The following ACVRL1 variants were observed in gnomAD, a reference collection of about 807,000 sequenced individuals.
ACVRL1 encodes activin receptor type-1-like.
ACVRL1 carries 20 observed loss-of-function variants against 51.9 expected under a neutral mutation model. The ratio of observed to expected loss-of-function variants is 0.39; its 90% CI spans 0.27 to 0.56. The LOEUF (loss-of-function observed/expected upper bound fraction) is 0.56. ACVRL1 is among the 20% of genes least tolerant of loss of function. ACVRL1 has a pLI of 0.67. For synonymous variants in ACVRL1, 288 were observed against 280.9 expected (o/e 1.03, Z -0.25); for missense variants, 451 against 670.3 (o/e 0.67, Z 3.61).
intron 9 of ACVRL1, among the ~76,000 whole-genome samples, chr12:51,920,226 A>C (rs374501129): frequency 3.9e-5 from 6 of 152,216 alleles, no homozygotes; most frequent in African/African-American, 1.4e-4. Context: ...GGCAGTTCCC[A>C]CTTCCACAGT....
rs775263269 is a variant in ACVRL1, at chr12:51,913,596, C to T, written c.351C>T (p.Gly117=). 4 of 1,600,610 alleles carry T rather than the reference C, an allele frequency of 2.5e-6. No homozygotes were observed. The highest frequency in any genetic ancestry group is 2.5e-6 in the Non-Finnish European group (3 of 1,179,866). Residue 117 remains glycine (G), a synonymous_variant, in exon 4 of 10, where the codon GGC becomes GGT. Transcript: ENST00000388922. ...CTTCGGAGCAGCCGGGAACAGATGG[C>T]CAGCTGGCCCTGATCCTGGGCCCCG... ...QPPSEQPGTD[G]QLALILGPVL... is the part of the protein sequence containing the mutation.
At chr12:51,914,349 C>T (rs999291008) in intron 5 of ACVRL1, 90 bp from the exon 6 acceptor site, 62 of 1,571,608 alleles carry the variant, frequency 3.9e-5, no homozygotes, top group Admixed American at 2.4e-4. Flanking sequence ...GTGGGGTGGG[C>T]GAGGGAGGCA....
At chr12:51,919,192 C>A (rs1308948826) in intron 9 of ACVRL1, 77 bp downstream of exon 9, 1 of 1,601,618 alleles carries the variant, frequency 6.2e-7, no homozygotes, top group African/African-American at 1.3e-5. Flanking sequence ...GAACTTGTGT[C>A]TGAGGCCTCT....
Position 51,920,936 on chromosome 12 carries a change from G to A in ACVRL1, c.*43G>A, listed in dbSNP as rs765683960. On this transcript the variant is annotated 3_prime_UTR_variant, in exon 10 of 10. Coordinates refer to ENST00000388922, the MANE Select transcript of ACVRL1 (RefSeq NM_000020.3). ...CCTTTCTGCCTGCAGGGGGCTGGGG[G>A]GGTGGGGGGCAGTGGATGGTGCCCT... The A allele has an allele frequency of 6.1e-6, 8 of 1,308,678 alleles. No homozygotes were observed. In the East Asian group the frequency reaches 1.3e-4, roughly 21 times the overall value. 81.1% of individuals were successfully genotyped at this position (1,308,678 alleles called of 1,614,324 possible).
At chr12:51,909,062 G>A (rs1246964841) in intron 1 of ACVRL1, among the ~76,000 whole-genome samples, 5 of 152,214 alleles carry the variant, frequency 3.3e-5, no homozygotes, top group Admixed American at 1.3e-4. Flanking sequence ...CTGAAGTGCA[G>A]AGTGAGTCCA....
chr12:51,920,241 T>A (rs1940939358), intron 9 of ACVRL1, among the ~76,000 whole-genome samples: 1 of 152,206 alleles, frequency 6.6e-6, no homozygotes, highest in Non-Finnish European at 1.5e-5. Context: ...CACAGTCCCC[T>A]GGGCCCAGCC....
At position 51,912,514 on chromosome 12, in the gene ACVRL1, C is replaced by T. The variant is rs1940713401; in HGVS notation, c.40C>T (p.Leu14=). ...CCCCAGGAAAGGCCTTCTGATGCTG[C>T]TGATGGCCTTGGTGACCCAGGGTGA... ...GSPRKGLLML[L]MALVTQGDPV... Residue 14 remains leucine, a synonymous_variant, in exon 2 of 10, where the codon CTG becomes TTG. Transcript: ENST00000388922. The T allele has an allele frequency of 6.2e-7, 1 of 1,614,048 alleles. No homozygotes were observed. The highest frequency in any genetic ancestry group is 8.5e-7 in the Non-Finnish European group (1 of 1,179,886).
At chr12:51,908,527 C>G (rs774736267) in intron 1 of ACVRL1, among the ~76,000 whole-genome samples, 23 of 152,258 alleles carry the variant, frequency 1.5e-4, no homozygotes, top group Non-Finnish European at 2.8e-4. Flanking sequence ...TATATTTTTT[C>G]TCATGTAATC....
At chr12:51,913,451 G>C (rs1378293310) in intron 3 of ACVRL1, 101 bp downstream of exon 3, 1 of 1,534,464 alleles carries the variant, frequency 6.5e-7, no homozygotes, top group Admixed American at 1.9e-5. Context: ...GGCTGGGGGC[G>C]GGGGAGCGGG....
chr12:51,920,937 G>T lies in ACVRL1; in HGVS notation c.*44G>T. The T allele has an allele frequency of 3.5e-6, 4 of 1,150,626 alleles. No individual in the cohort carries two copies. Among genetic ancestry groups the T allele is most frequent in the Non-Finnish European group, 5.1e-6 (4 of 790,040 alleles). 71.3% of individuals were successfully genotyped at this position (1,150,626 alleles called of 1,614,324 possible). A position where few individuals can be genotyped will look rare whatever the true frequency, so the allele number is the denominator to read the frequency against. On this transcript the variant is annotated 3_prime_UTR_variant, in exon 10 of 10. Transcript: ENST00000388922. ...CTTTCTGCCTGCAGGGGGCTGGGGG[G>T]GTGGGGGGCAGTGGATGGTGCCCTA...
At chr12:51,908,815 C>CT (rs2139055336) in intron 1 of ACVRL1, among the ~76,000 whole-genome samples, 1 of 152,332 alleles carries the variant, frequency 6.6e-6, no homozygotes, top group Non-Finnish European at 1.5e-5. Context: ...TTTCATACCT[C>CT]TAAGTGGCAA....
At chr12:51,920,563 T>C (rs1383455630) in intron 9 of ACVRL1, among the ~76,000 whole-genome samples, 196 bp from the exon 10 acceptor site, 2 of 151,998 alleles carry the variant, frequency 1.3e-5, no homozygotes, top group Non-Finnish European at 1.5e-5. Flanking sequence ...TTCCTCTCGC[T>C]CTCCTTTCCA....
intron 8 of ACVRL1, among the ~76,000 whole-genome samples, chr12:51,916,448 T>C (rs1293867373): frequency 2.6e-5 from 4 of 152,238 alleles, no homozygotes; most frequent in African/African-American, 9.6e-5. Flanking sequence ...TGTGAAATCT[T>C]GGGTACATGA....
Position 51,915,333 on chromosome 12 carries a change from T to C in ACVRL1, c.881T>C (p.Leu294Pro). 1 of 1,614,180 alleles carries C rather than the reference T, an allele frequency of 6.2e-7. No homozygotes were observed. Among genetic ancestry groups the C allele is most frequent in the Non-Finnish European group, 8.5e-7 (1 of 1,180,042 alleles). ...SLYDFLQRQT[L>P]EPHLALRLAV... ...TACGACTTTCTGCAGAGACAGACGCTGGAGCCCCATCTGGCTCTGAGGCTA... is the reference window on the plus strand; with the variant it reads ...TACGACTTTCTGCAGAGACAGACGCCGGAGCCCCATCTGGCTCTGAGGCTA... The change falls in exon 7 of 10, where the codon CTG becomes CCG. Residue 294 changes from leucine (L) to proline (P), a missense_variant. Around this residue, in one of 2 missense-constraint regions of ACVRL1, gnomAD observed 259 missense variants for 453.4 expected, o/e 0.57. Coordinates refer to ENST00000388922, the MANE Select transcript of ACVRL1 (RefSeq NM_000020.3).
chr12:51,918,893 C>T, intron 8 of ACVRL1, 92 bp from the exon 9 acceptor site: 2 of 1,599,228 alleles, frequency 1.3e-6, no homozygotes, highest in Non-Finnish European at 1.7e-6. Context: ...GGTTTCTGGC[C>T]CTTGGATAGA....
At position 51,913,744 on chromosome 12, in the gene ACVRL1, T is replaced by G. The variant is rs756100938; in HGVS notation, c.499T>G (p.Ser167Ala). 2 of 1,611,908 alleles carry G rather than the reference T, an allele frequency of 1.2e-6. No homozygotes were observed. The highest frequency in any genetic ancestry group is 2.7e-5 in the African/African-American group (2 of 74,896). Residue 167 changes from serine (S) to alanine (A), a missense_variant, in exon 4 of 10, where the codon TCT (serine) becomes GCT (alanine). Physicochemically the swap from Ser to Ala is moderately conservative, Grantham distance 99. This residue lies in a region of ACVRL1 where 259 missense variants were observed against 453.4 expected (regional missense o/e 0.57). Transcript: ENST00000388922. ...LGESSLILKA[S>A]EQGDSMLGDL... is the part of the protein sequence containing the mutation. ...AGAGTCCAGTCTCATCCTGAAAGCATCTGAGCAGGGCGACAGCATGTTGGG... is the reference window on the plus strand; with the variant it reads ...AGAGTCCAGTCTCATCCTGAAAGCAGCTGAGCAGGGCGACAGCATGTTGGG...
chr12:51,914,779 C>T (rs1363868026), intron 6 of ACVRL1, among the ~76,000 whole-genome samples, 194 bp downstream of exon 6: 1 of 148,980 alleles, frequency 6.7e-6, no homozygotes, highest in African/African-American at 2.5e-5. Context: ...GACAGGGCCT[C>T]GCTCTGTCAC....
intron 8 of ACVRL1, among the ~76,000 whole-genome samples, chr12:51,916,649 G>A (rs922665508): frequency 8.5e-5 from 13 of 152,336 alleles, no homozygotes; most frequent in Admixed American, 3.9e-4. Flanking sequence ...ATGACCGTGC[G>A]TAGGTTATTT....
At chr12:51,920,036 G>A (rs1238593466) in intron 9 of ACVRL1, among the ~76,000 whole-genome samples, 1 of 152,092 alleles carries the variant, frequency 6.6e-6, no homozygotes, top group African/African-American at 2.4e-5. Flanking sequence ...ATACATTTCT[G>A]TACAACATAT....
Sources: gnomAD v4.1 joint callset for allele counts (sites outside exome capture counted in the v4.1 genomes callset) on GRCh38, gnomAD v4.1.1 for gene constraint, gnomAD v4.1.1 regional missense constraint, MANE v1.5 for transcripts, NCBI Gene and HGNC (gene_info 2026-07-23, HGNC 2026-07-21) for gene names.